The following SHISAL1 variants were observed in gnomAD, a reference collection of about 807,000 sequenced individuals.
The protein encoded by SHISAL1 is protein shisa-like-1.
SHISAL1 carries 9 observed loss-of-function variants against 22.6 expected under a neutral mutation model. The observed-to-expected ratio is 0.40, with a 90% CI of 0.24 to 0.70. The LOEUF is 0.70. SHISAL1 is among the 30% of genes least tolerant of loss of function. The pLI, the probability that SHISAL1 is intolerant of heterozygous loss-of-function variation, is 0.39. For synonymous variants in SHISAL1, 119 were observed against 115.4 expected, an observed-to-expected ratio of 1.03 and a Z score of -0.20; for missense variants, 246 against 270.6, an observed-to-expected ratio of 0.91 and a Z score of 0.64.
At chr22:44,285,814 G>T in intron 3 of SHISAL1, 69 bp from the exon 4 acceptor site, 1 of 1,289,970 alleles carries the variant, frequency 7.8e-7, no homozygotes, top group Non-Finnish European at 1.1e-6. Context: ...CTTCATCAGT[G>T]GGGCTGATTA....
intron 4 of SHISAL1, among the ~76,000 whole-genome samples, chr22:44,277,556 G>A (rs749855948): frequency 6.6e-6 from 1 of 152,218 alleles, no homozygotes. Context: ...GGATCGCTGG[G>A]CCGCACCTCC....
At chr22:44,268,439 G>A (rs1229820187) in intron 4 of SHISAL1, among the ~76,000 whole-genome samples, 1 of 152,206 alleles carries the variant, frequency 6.6e-6, no homozygotes, top group Non-Finnish European at 1.5e-5. Flanking sequence ...TGACTTAGAA[G>A]GCGCAGTCCC....
intron 1 of SHISAL1, among the ~76,000 whole-genome samples, chr22:44,312,461 A>G (rs1005520767): frequency 6.6e-6 from 1 of 152,192 alleles, no homozygotes; most frequent in African/African-American, 2.4e-5. Context: ...AGAGACGGTC[A>G]GCAACTTGCT....
At position 44,243,915 on chromosome 22, in the gene SHISAL1, T is replaced by TG. The variant is rs1436714186; in HGVS notation, c.*5769dup. The TG allele has an allele frequency of 1.3e-5, 2 of 152,210 alleles. No homozygotes were observed. Among genetic ancestry groups the TG allele is most frequent in the Non-Finnish European group, 2.9e-5 (2 of 68,072 alleles). 9.4% of individuals were successfully genotyped at this position (152,210 alleles called of 1,614,324 possible). ...GAAAATATTTCCATCCCCCTACCCCTGCGCTGCATGCCCTTGTCCAGCTGG... is the reference window on the plus strand; with the variant it reads ...GAAAATATTTCCATCCCCCTACCCCTGGCGCTGCATGCCCTTGTCCAGCTGG... On this transcript the variant is annotated 3_prime_UTR_variant, in exon 5 of 5. Transcript: ENST00000381176.
intron 3 of SHISAL1, among the ~76,000 whole-genome samples, chr22:44,291,219 C>T: frequency 6.6e-6 from 1 of 152,210 alleles, no homozygotes; most frequent in East Asian, 1.9e-4. Context: ...ACGGCCTTGT[C>T]ACAGAATGCT....
At chr22:44,293,475 A>C (rs13056800) in intron 3 of SHISAL1, among the ~76,000 whole-genome samples, 10,791 of 152,194 alleles carry the variant, frequency 0.071, 775 homozygotes, top group East Asian at 0.19. Flanking sequence ...AACATCCCAC[A>C]ATGCACAGAG....
At chr22:44,275,887 A>G (rs2055236484) in intron 4 of SHISAL1, among the ~76,000 whole-genome samples, 1 of 152,230 alleles carries the variant, frequency 6.6e-6, no homozygotes, top group Non-Finnish European at 1.5e-5. Flanking sequence ...CATTGATTGG[A>G]CACTGTCTAG....
chr22:44,313,263 T>C (rs1480297144), upstream of SHISAL1, among the ~76,000 whole-genome samples: 1 of 152,218 alleles, frequency 6.6e-6, no homozygotes, highest in Non-Finnish European at 1.5e-5. Context: ...TACATGTGGG[T>C]TCCCTCCCGT....
At chr22:44,282,177 G>A (rs941676420) in intron 4 of SHISAL1, among the ~76,000 whole-genome samples, 3 of 152,126 alleles carry the variant, frequency 2.0e-5, no homozygotes, top group African/African-American at 7.3e-5. Flanking sequence ...CTCCGCTGGG[G>A]AGCCGAAGGC....
intron 3 of SHISAL1, among the ~76,000 whole-genome samples, chr22:44,295,811 A>G (rs534974789): frequency 3.7e-4 from 56 of 152,360 alleles, no homozygotes; most frequent in African/African-American, 1.3e-3. Context: ...CTTCACTCAT[A>G]ATAGAGAAAC....
chr22:44,318,230 C>T, the SHISAL1 span, among the ~76,000 whole-genome samples: 3 of 152,264 alleles, frequency 2.0e-5, no homozygotes, highest in South Asian at 2.1e-4. Flanking sequence ...TCCCTTATAA[C>T]GGGGAGAAAA....
chr22:44,326,136 A>G, the SHISAL1 span, among the ~76,000 whole-genome samples: 1 of 152,232 alleles, frequency 6.6e-6, no homozygotes, highest in South Asian at 2.1e-4. Flanking sequence ...CACACGTACA[A>G]TTCTCCCGAC....
chr22:44,304,850 T>A (rs4076003), intron 1 of SHISAL1, among the ~76,000 whole-genome samples: 109,208 of 152,052 alleles, frequency 0.72, 39,504 homozygotes, highest in East Asian at 0.93. Context: ...CTCCAGCTCC[T>A]CTGGCCCCCG....
At chr22:44,288,402 C>T (rs79496468) in intron 3 of SHISAL1, among the ~76,000 whole-genome samples, 6,622 of 152,106 alleles carry the variant, frequency 0.044, 431 homozygotes, top group East Asian at 0.2. Flanking sequence ...TTTGGGAGGC[C>T]GAGGCCGGTG....
intron 1 of SHISAL1, among the ~76,000 whole-genome samples, chr22:44,308,591 G>A (rs2055495632): frequency 1.3e-5 from 2 of 152,176 alleles, no homozygotes; most frequent in Admixed American, 6.5e-5. Flanking sequence ...CTCCCCAGGC[G>A]AGCTTCTGAC....
At chr22:44,270,259 C>T (rs369835905) in intron 4 of SHISAL1, among the ~76,000 whole-genome samples, 1 of 152,210 alleles carries the variant, frequency 6.6e-6, no homozygotes, top group African/African-American at 2.4e-5. Flanking sequence ...CTCTTGGATG[C>T]CGTCAACGTT....
intron 1 of SHISAL1, among the ~76,000 whole-genome samples, chr22:44,302,128 G>A (rs565303683): frequency 6.6e-6 from 1 of 152,242 alleles, no homozygotes; most frequent in Non-Finnish European, 1.5e-5. Context: ...ATCACCTGAG[G>A]TCAGGAGTTC....
intron 1 of SHISAL1, among the ~76,000 whole-genome samples, chr22:44,307,854 G>A (rs992816697): frequency 2.0e-5 from 3 of 152,182 alleles, no homozygotes; most frequent in Non-Finnish European, 4.4e-5. Context: ...AGCCAGGTTC[G>A]GCAGGGCAGG....
At chr22:44,295,132 T>C (rs1213855083) in intron 3 of SHISAL1, among the ~76,000 whole-genome samples, 3 of 152,120 alleles carry the variant, frequency 2.0e-5, no homozygotes, top group Admixed American at 6.5e-5. Flanking sequence ...CATTAAGATA[T>C]TAAAACATAT....
Sources: gnomAD v4.1 joint callset for allele counts (sites outside exome capture counted in the v4.1 genomes callset) on GRCh38, gnomAD v4.1.1 for gene constraint, MANE v1.5 for transcripts, NCBI Gene and HGNC (gene_info 2026-07-23, HGNC 2026-07-21) for gene names.